MCOLN2: variants seen among roughly 807,000 people sequenced by gnomAD.
The protein encoded by MCOLN2 is mucolipin TRP cation channel 2.
MCOLN2 carries 57 observed loss-of-function variants against 67.5 expected under a neutral mutation model. The ratio of observed to expected loss-of-function variants is 0.84; its 90% CI spans 0.68 to 1.05. The LOEUF is 1.05. MCOLN2 is among the 50% of genes least tolerant of loss of function. The probability of loss-of-function intolerance (pLI) is 0.00; values close to 1 mark genes in which losing one functional copy is unlikely to be tolerated. For synonymous variants in MCOLN2, 246 were observed against 233.3 expected (o/e 1.05, Z -0.50); for missense variants, 620 against 678.8 (o/e 0.91, Z 0.96).
Position 84,929,694 on chromosome 1 carries a change from C to T in MCOLN2, c.1543-15G>A. ...TGTTGGAATTTCTTTAGAAAGTACA[C>T]AATGTTGTTACCTTATTTATAAGGC... On this transcript the variant is annotated splice_polypyrimidine_tract_variant and intron_variant, in intron 12 of 13. Coordinates refer to ENST00000370608, the MANE Select transcript of MCOLN2 (RefSeq NM_153259.4). 1 of 1,609,746 alleles carries T rather than the reference C, an allele frequency of 6.2e-7. No homozygotes were observed. Among genetic ancestry groups the T allele is most frequent in the East Asian group, 2.2e-5 (1 of 44,728 alleles).
chr1:84,927,683 C>CCATG (rs1454452931), intron 13 of MCOLN2, among the ~76,000 whole-genome samples: 1 of 152,242 alleles, frequency 6.6e-6, no homozygotes, highest in Non-Finnish European at 1.5e-5. Flanking sequence ...GGTCACCAGA[C>CCATG]AGGGGGCACA....
intron 7 of MCOLN2, among the ~76,000 whole-genome samples, chr1:84,945,373 G>A (rs545900832): frequency 6.6e-6 from 1 of 152,150 alleles, no homozygotes; most frequent in East Asian, 1.9e-4. Context: ...TGATCTCTGC[G>A]TATCTGTAAG....
intron 1 of MCOLN2, among the ~76,000 whole-genome samples, chr1:84,983,054 A>C (rs1650337709): frequency 6.6e-6 from 1 of 151,452 alleles, no homozygotes; most frequent in African/African-American, 2.4e-5. Flanking sequence ...ATATCTTACC[A>C]GTCTCAGGGG....
intron 13 of MCOLN2, among the ~76,000 whole-genome samples, chr1:84,928,501 C>T (rs899163063): frequency 6.6e-6 from 1 of 152,172 alleles, no homozygotes; most frequent in Non-Finnish European, 1.5e-5. Context: ...CACCAAAGAC[C>T]TATCGTTTAC....
In MCOLN2 at chr1:84,929,569, G is replaced by A. The variant is rs1447758247; in HGVS notation, c.1653C>T (p.Cys551=). ...AACATGATACTGACCTCCTCCGACA[G>A]CAGATGCAGGACAGGAAGGCTGAGG... ...KESSAFLSCI[C]CRRRKRSDDH... Residue 551 remains cysteine (C), a synonymous_variant, in exon 13 of 14, where the codon TGC becomes TGT. Coordinates refer to ENST00000370608, the MANE Select transcript of MCOLN2 (RefSeq NM_153259.4). 2 of 1,612,950 alleles carry A rather than the reference G, an allele frequency of 1.2e-6. No individual in the cohort carries two copies. The highest frequency in any genetic ancestry group is 2.7e-5 in the African/African-American group (2 of 74,886).
Position 84,929,654 on chromosome 1 carries a change from T to A in MCOLN2, c.1568A>T (p.Glu523Val). The A allele has an allele frequency of 6.2e-7, 1 of 1,613,622 alleles. No homozygotes were observed. The highest frequency in any genetic ancestry group is 8.5e-7 in the Non-Finnish European group (1 of 1,179,668). Residue 523 changes from glutamate (E) to valine (V), a missense_variant, in exon 13 of 14, where the codon GAA becomes GTA. Coordinates refer to ENST00000370608, the MANE Select transcript of MCOLN2 (RefSeq NM_153259.4). ...IKKFQQNGFP[E>V]TDLQEFLKEC... ...CTTCAGGAATTCCTGCAAATCCGTT[T>A]CAGGAAACCCATTCTGTTGGAATTT...
chr1:84,987,592 A>T (rs1191589989), intron 1 of MCOLN2, among the ~76,000 whole-genome samples: 1 of 122,712 alleles, frequency 8.1e-6, no homozygotes, highest in Non-Finnish European at 1.7e-5. Context: ...ATATATACAT[A>T]TGTATATAGA....
chr1:84,965,850 A>C, intron 1 of MCOLN2, 142 bp from the exon 2 acceptor site: 13 of 649,848 alleles, frequency 2.0e-5, no homozygotes, highest in East Asian at 3.1e-5. Context: ...AAAATAAAAA[A>C]GCAACTCTAG....
At chr1:84,960,866 A>C (rs1288745174) in intron 2 of MCOLN2, among the ~76,000 whole-genome samples, 6 of 146,492 alleles carry the variant, frequency 4.1e-5, no homozygotes, top group Admixed American at 4.1e-4. Flanking sequence ...CTCTAAGCCA[A>C]GCTGGTATAC....
rs377563417 is a variant in MCOLN2, at chr1:84,929,512, C to T, written c.1664+46G>A. The T allele has an allele frequency of 2.6e-6, 4 of 1,534,108 alleles. No homozygotes were observed. In the African/African-American group the frequency reaches 4.1e-5, roughly 16 times the overall value. ...TTGGAGGGGCTCTTTCTTAAGACAA[C>T]AGAACAGCCCATCTCAGGAGCATGG... is the stretch of plus-strand genomic sequence containing the variant. On this transcript the variant is annotated intron_variant, in intron 13 of 13. Transcript: ENST00000370608.
At chr1:84,941,970 C>A (rs1216118655) in intron 7 of MCOLN2, among the ~76,000 whole-genome samples, 1 of 152,178 alleles carries the variant, frequency 6.6e-6, no homozygotes, top group African/African-American at 2.4e-5. Context: ...CAGCCCAGCT[C>A]TCTTCTGCCT....
chr1:84,941,224 C>CGGT (rs1370725693), intron 7 of MCOLN2, among the ~76,000 whole-genome samples: 15 of 152,198 alleles, frequency 9.9e-5, no homozygotes, highest in African/African-American at 3.6e-4. Context: ...GGGCCAGGCA[C>CGGT]GGTGGCTCAC....
chr1:84,946,066 T>C (rs958425684), intron 7 of MCOLN2, among the ~76,000 whole-genome samples: 4 of 152,136 alleles, frequency 2.6e-5, no homozygotes, highest in African/African-American at 7.2e-5. Flanking sequence ...ATTTTAAACA[T>C]GTGGATTAAG....
intron 2 of MCOLN2, among the ~76,000 whole-genome samples, chr1:84,958,998 C>G (rs1166531599): frequency 3.3e-5 from 5 of 152,110 alleles, no homozygotes; most frequent in African/African-American, 1.2e-4. Flanking sequence ...AAGTCTCAAT[C>G]CATTTTTCTT....
intron 7 of MCOLN2, among the ~76,000 whole-genome samples, chr1:84,941,340 CA>C (rs1297569476): frequency 6.6e-6 from 1 of 151,894 alleles, no homozygotes; most frequent in Admixed American, 6.6e-5. Flanking sequence ...ACTAAAAATA[CA>C]AAAAAATTAG....
intron 1 of MCOLN2, among the ~76,000 whole-genome samples, chr1:84,988,503 T>C (rs1371642822): frequency 6.6e-6 from 1 of 152,166 alleles, no homozygotes; most frequent in East Asian, 1.9e-4. Context: ...CTCTAAAGTA[T>C]ACTGCTCTAA....
Position 84,938,033 on chromosome 1 carries a change from A to G in MCOLN2, c.1160T>C (p.Leu387Pro), listed in dbSNP as rs778927325. 5.0e-6 allele frequency: 8 copies of G among 1,614,038 alleles called. No homozygotes were observed. In the South Asian group the frequency reaches 8.8e-5, roughly 18 times the overall value. ...LCSIFLGTST[L>P]LVWVGVIRYL... ...TCTGATGACTCCAACCCAAACCAAG[A>G]GCGTAGAGGTTCCAAGAAAAATGCT... The change falls in exon 10 of 14, where the codon CTC becomes CCC. Residue 387 changes from leucine (L) to proline (P), a missense_variant. By Grantham distance (98) the Leu-to-Pro change is moderately conservative (BLOSUM62 -3). Coordinates refer to ENST00000370608, the MANE Select transcript of MCOLN2 (RefSeq NM_153259.4).
rs544673400 is a variant in MCOLN2 at position 84,958,140 on chromosome 1, C to A, written c.411+389G>T. Reference sequence around the variant, plus strand: ...TTCACAATGCTGCCCAGACTGGACTCAAAGGATCAACCCACTTTAGCCTCC... The same window carrying A: ...TTCACAATGCTGCCCAGACTGGACTAAAAGGATCAACCCACTTTAGCCTCC... On this transcript the variant is annotated intron_variant, in intron 3 of 13. Coordinates refer to ENST00000370608, the MANE Select transcript of MCOLN2 (RefSeq NM_153259.4). Among the ~76,000 whole-genome samples, 3 of 152,196 alleles carry A rather than the reference C, an allele frequency of 2.0e-5. No individual in the cohort carries two copies. In the South Asian group the frequency reaches 6.2e-4, roughly 32 times the overall value.
At chr1:84,985,182 A>G (rs935196751) in intron 1 of MCOLN2, among the ~76,000 whole-genome samples, 2 of 152,132 alleles carry the variant, frequency 1.3e-5, no homozygotes, top group Non-Finnish European at 2.9e-5. Flanking sequence ...ATTCTCTAGA[A>G]CAAACACTGG....
Sources: allele counts gnomAD v4.1 joint callset (sites outside exome capture counted in the v4.1 genomes callset), GRCh38; gene constraint gnomAD v4.1.1; transcripts MANE v1.5; gene names NCBI Gene and HGNC (gene_info 2026-07-23, HGNC 2026-07-21).